The following TBX10 variants were observed in gnomAD, a reference collection of about 807,000 sequenced individuals.
The protein encoded by TBX10 is T-box transcription factor 10, also known as T-box transcription factor TBX10.
TBX10 carries 26 observed loss-of-function variants against 32.4 expected under a neutral mutation model. That is an observed-to-expected ratio of 0.80 (90% CI 0.59 to 1.11). The LOEUF (loss-of-function observed/expected upper bound fraction) is 1.11, where lower values mean the gene tolerates loss of function less well. Ranked by LOEUF, TBX10 falls within the 50% of genes most tolerant of loss-of-function variation. The probability of loss-of-function intolerance (pLI) is 0.00; values close to 1 mark genes in which losing one functional copy is unlikely to be tolerated. For missense variants in TBX10, 490 were observed against 494.5 expected (o/e 0.99, Z 0.09); for synonymous variants, 195 against 203.1 (o/e 0.96, Z 0.34).
In TBX10 at chr11:67,635,172, T is replaced by C. The variant is rs945943080; in HGVS notation, c.99A>G (p.Ser33=). The stretch of plus-strand genomic sequence containing the variant: ...TGGTGCAAGGGCCTGATGGGAATGG[T>C]GACCCCAGCCGGGGCTCCCAGCCAG... ...TSSGWEPRLG[S]PFPSGPCTSS... The change falls in exon 2 of 8, where the codon TCA becomes TCG. Residue 33 remains serine (S), a synonymous_variant. Coordinates refer to ENST00000335385, the MANE Select transcript of TBX10 (RefSeq NM_005995.5). 1 of 1,613,714 alleles carries C rather than the reference T, an allele frequency of 6.2e-7. No individual in the cohort carries two copies. The highest frequency in any genetic ancestry group is 1.7e-5 in the Admixed American group (1 of 60,012).
intron 1 of TBX10, among the ~76,000 whole-genome samples, chr11:67,637,072 G>C (rs1255654625): frequency 2.0e-5 from 3 of 152,222 alleles, no homozygotes. Flanking sequence ...TACACGAAAT[G>C]AGCCAGACAC....
At chr11:67,636,821 A>T (rs1011210151) in intron 1 of TBX10, among the ~76,000 whole-genome samples, 1 of 152,172 alleles carries the variant, frequency 6.6e-6, no homozygotes, top group African/African-American at 2.4e-5. Flanking sequence ...TGATCCAGCA[A>T]TTCCACTTCT....
At position 67,632,929 on chromosome 11, in the gene TBX10, C is replaced by A; in HGVS notation, c.705+19G>T. 3 of 1,614,148 alleles carry A rather than the reference C, an allele frequency of 1.9e-6. No individual in the cohort carries two copies. Among genetic ancestry groups the A allele is most frequent in the South Asian group, 2.2e-5 (2 of 91,074 alleles). ...GTGAAATGGGCCTGCAGCGGGTGCT[C>A]CCGAGCTGGTTCACCCACCCTGTGG... On this transcript the variant is annotated intron_variant, in intron 5 of 7. Transcript: ENST00000335385.
intron 1 of TBX10, among the ~76,000 whole-genome samples, chr11:67,636,212 G>A (rs1180006184): frequency 6.7e-6 from 1 of 150,128 alleles, no homozygotes; most frequent in African/African-American, 2.5e-5. Flanking sequence ...CTTACAAGTA[G>A]CTGGGACTAT....
intron 1 of TBX10, 73 bp downstream of exon 1, chr11:67,639,393 T>TCCCCCCCCTCCCCC: frequency 1.4e-6 from 1 of 726,926 alleles, no homozygotes; most frequent in Admixed American, 2.0e-5. Flanking sequence ...CTGTCTTGGT[T>TCCCCCCCCTCCCCC]CCCACCCTGC....
chr11:67,638,411 A>G (rs1855360295), intron 1 of TBX10, among the ~76,000 whole-genome samples: 1 of 152,178 alleles, frequency 6.6e-6, no homozygotes, highest in Non-Finnish European at 1.5e-5. Context: ...GTCAGGGGAC[A>G]AGGTTTTATT....
At chr11:67,636,607 C>T (rs2134101343) in intron 1 of TBX10, among the ~76,000 whole-genome samples, 1 of 152,178 alleles carries the variant, frequency 6.6e-6, no homozygotes, top group Non-Finnish European at 1.5e-5. Flanking sequence ...AAAAGATTCT[C>T]CTGCCTCAGC....
chr11:67,639,554 C>T lies in TBX10; in HGVS notation c.-82G>A. The T allele has an allele frequency of 6.3e-7, 1 of 1,576,882 alleles. No individual in the cohort carries two copies. On this transcript the variant is annotated 5_prime_UTR_variant, in exon 1 of 8. Coordinates refer to ENST00000335385, the MANE Select transcript of TBX10 (RefSeq NM_005995.5). The stretch of plus-strand genomic sequence containing the variant: ...CCTGCCTGCTGGAAGGGGTGGTCAC[C>T]ACTCGTCCACTCGGCACCTCAGCTC...
chr11:67,634,641 G>A (rs1157002118), intron 3 of TBX10, among the ~76,000 whole-genome samples, 175 bp downstream of exon 3: 1 of 152,190 alleles, frequency 6.6e-6, no homozygotes, highest in Non-Finnish European at 1.5e-5. Context: ...GGTACCCTGA[G>A]CTGGGCTGCC....
chr11:67,631,625 G>T lies in TBX10; in HGVS notation c.1138C>A (p.Pro380Thr), dbSNP rs758155529. ...LLSPTVVCLG[P>T]GQDSQ ...TGGCATCACTGGGAGTCCTGGCCAG[G>T]CCCCAGGCACACCACAGTGGGGGAC... Residue 380 changes from proline to threonine, a missense_variant, in exon 8 of 8, where the codon CCT becomes ACT. Pro to Thr is a conservative substitution (Grantham distance 38). Around this residue, in one of 3 missense-constraint regions of TBX10, gnomAD observed 177 missense variants for 176.6 expected, o/e 1.00. Coordinates refer to ENST00000335385, the MANE Select transcript of TBX10 (RefSeq NM_005995.5). The T allele has an allele frequency of 1.2e-6, 2 of 1,600,792 alleles. No individual in the cohort carries two copies. The highest frequency in any genetic ancestry group is 1.1e-5 in the South Asian group (1 of 89,186).
In TBX10 at chr11:67,635,137, C is replaced by G; in HGVS notation, c.134G>C (p.Gly45Ala). The change falls in exon 2 of 8, where the codon GGG (glycine) becomes GCG (alanine). Residue 45 changes from glycine to alanine, a missense_variant. Physicochemically the swap from Gly to Ala is moderately conservative, Grantham distance 60. Around this residue, in one of 3 missense-constraint regions of TBX10, gnomAD observed 307 missense variants for 294.9 expected, o/e 1.04. Coordinates refer to ENST00000335385, the MANE Select transcript of TBX10 (RefSeq NM_005995.5). ...FPSGPCTSST[G>A]AQAVAEPTGQ... ...AGTGGGCTCGGCCACAGCTTGGGCC[C>G]CAGTAGAGCTGGTGCAAGGGCCTGA... 1.9e-6 allele frequency: 3 copies of G among 1,613,798 alleles called. No individual in the cohort carries two copies. The highest frequency in any genetic ancestry group is 2.5e-6 in the Non-Finnish European group (3 of 1,180,028).
chr11:67,635,430 T>G (rs1297234499), intron 1 of TBX10, among the ~76,000 whole-genome samples, 167 bp from the exon 2 acceptor site: 1 of 152,184 alleles, frequency 6.6e-6, no homozygotes, highest in Non-Finnish European at 1.5e-5. Context: ...AATGCTCACT[T>G]AAAGTTTATT....
Position 67,631,746 on chromosome 11 carries a change from C to G in TBX10, c.1017G>C (p.Gly339=), listed in dbSNP as rs1203599233. ...ATGGTGCTGGTCGGGTCCTTGGGATCCCTAGGTGGCTCGGGGCTCCAGAGT... is the reference window on the plus strand; with the variant it reads ...ATGGTGCTGGTCGGGTCCTTGGGATGCCTAGGTGGCTCGGGGCTCCAGAGT... ...SLYSGAPSHL[G]IPRTRPAPYP... Residue 339 remains glycine, a synonymous_variant, in exon 8 of 8, where the codon GGG becomes GGC. Coordinates refer to ENST00000335385, the MANE Select transcript of TBX10 (RefSeq NM_005995.5). 9.9e-6 allele frequency: 16 copies of G among 1,609,890 alleles called. No individual in the cohort carries two copies. The highest frequency in any genetic ancestry group is 1.4e-5 in the Non-Finnish European group (16 of 1,178,600).
intron 1 of TBX10, among the ~76,000 whole-genome samples, chr11:67,638,778 G>C (rs1275233878): frequency 6.6e-6 from 1 of 152,214 alleles, no homozygotes; most frequent in Non-Finnish European, 1.5e-5. Context: ...TGGGCAGGAT[G>C]GATAGATGGG....
At chr11:67,634,116 G>A in intron 4 of TBX10, 73 bp downstream of exon 4, 1 of 1,591,028 alleles carries the variant, frequency 6.3e-7, no homozygotes, top group Non-Finnish European at 8.5e-7. Context: ...TGGGCACCAA[G>A]GCCATTGGAC....
intron 5 of TBX10, 64 bp downstream of exon 5, chr11:67,632,884 A>G: frequency 6.2e-7 from 1 of 1,613,006 alleles, no homozygotes; most frequent in Non-Finnish European, 8.5e-7. Context: ...TGCAAGCCTC[A>G]GGGCTCAGTC....
In TBX10 at chr11:67,632,627, A is replaced by C. The variant is rs777229978; in HGVS notation, c.749T>G (p.Phe250Cys). ...CCAGGAGTCCAGGTCACTCTCTCTA[A>C]AGCCTTTGGCAAAAGGGTTGCTGGC... ...KIASNPFAKG[F>C]RESDLDSWPV... Residue 250 changes from phenylalanine to cysteine, a missense_variant, in exon 6 of 8, where the codon TTT (phenylalanine) becomes TGT (cysteine). Coordinates refer to ENST00000335385, the MANE Select transcript of TBX10 (RefSeq NM_005995.5). The C allele has an allele frequency of 6.2e-7, 1 of 1,614,050 alleles. No homozygotes were observed. The highest frequency in any genetic ancestry group is 1.1e-5 in the South Asian group (1 of 91,086).
chr11:67,633,155 TC>T (rs1565233536), intron 4 of TBX10, 52 bp from the exon 5 acceptor site: 2 of 1,582,914 alleles, frequency 1.3e-6, no homozygotes, highest in East Asian at 4.5e-5. Flanking sequence ...TACAGCGGAC[TC>T]CCTGAGGCTG....
rs900182567 is a variant in TBX10, at chr11:67,636,521, A to ATTT, written c.8-1261_8-1259dup. Among the ~76,000 whole-genome samples the ATTT allele has an allele frequency of 7.1e-3, 477 of 67,418 alleles. 5 individuals are homozygous for ATTT. The highest frequency in any genetic ancestry group is 0.014 in the African/African-American group (456 of 32,674). 44.2% of individuals were successfully genotyped at this position (67,418 alleles called of 152,430 possible). A position where few individuals can be genotyped will look rare whatever the true frequency, so the allele number is the denominator to read the frequency against. On this transcript the variant is annotated intron_variant, in intron 1 of 7. Transcript: ENST00000335385. ...ATATTATTTATTTATTTATTTATTT[A>ATTT]TTTTTTTCCAGAGTCTTGCTCTGTC...
Sources: allele counts gnomAD v4.1 joint callset (sites outside exome capture counted in the v4.1 genomes callset), GRCh38; gene constraint gnomAD v4.1.1; regional missense constraint gnomAD v4.1.1; transcripts MANE v1.5; gene names NCBI Gene and HGNC (gene_info 2026-07-23, HGNC 2026-07-21).